The following LINGO2 variants were observed in gnomAD, a reference collection of about 807,000 sequenced individuals.
LINGO2 encodes the protein leucine-rich repeat and immunoglobulin-like domain-containing nogo receptor-interacting protein 2.
In LINGO2, 14 loss-of-function variants were observed where a neutral mutation model predicts 30.6. The ratio of observed to expected loss-of-function variants is 0.46; its 90% CI spans 0.30 to 0.72. The LOEUF is 0.72. Ranked by LOEUF, LINGO2 falls within the 30% of genes least tolerant of loss-of-function variation. LINGO2 has a pLI of 0.07. For missense variants in LINGO2, 729 were observed against 751.7 expected, an observed-to-expected ratio of 0.97 and a Z score of 0.35; for synonymous variants, 317 against 288.5, an observed-to-expected ratio of 1.10 and a Z score of -1.00.
In LINGO2 at chr9:28,476,736, C is replaced by T. The variant is rs79236555; in HGVS notation, c.-364-711G>A. 5.1e-3 allele frequency among the ~76,000 whole-genome samples: 779 copies of T among 152,182 alleles called. 11 individuals are homozygous for T. Among genetic ancestry groups the T allele is most frequent in the South Asian group, 0.017 (83 of 4,822 alleles). On this transcript the variant is annotated intron_variant, in intron 1 of 5. Coordinates refer to ENST00000379992, the Ensembl canonical transcript of LINGO2. Reference sequence around the variant, plus strand: ...GGAAGGAGACAAGACTTGCTGTGTCCGTAAACCTGCTTTCAAAGGTTAAAA... The same window carrying T: ...GGAAGGAGACAAGACTTGCTGTGTCTGTAAACCTGCTTTCAAAGGTTAAAA...
chr9:28,679,061 T>C, the LINGO2 span, among the ~76,000 whole-genome samples: 1 of 152,238 alleles, frequency 6.6e-6, no homozygotes, highest in African/African-American at 2.4e-5. Flanking sequence ...AATTTTGATA[T>C]TGTGTTCACT....
At chr9:28,054,009 G>A (rs1824800012) in intron 4 of LINGO2, among the ~76,000 whole-genome samples, 1 of 151,768 alleles carries the variant, frequency 6.6e-6, no homozygotes, top group South Asian at 2.1e-4. Context: ...TCGAGGGCCT[G>A]TATATATGCA....
At chr9:28,825,243 C>T in the LINGO2 span, among the ~76,000 whole-genome samples, 2 of 151,962 alleles carry the variant, frequency 1.3e-5, no homozygotes, top group African/African-American at 4.8e-5. Flanking sequence ...GGTAGATTTT[C>T]TTGACTACAA....
rs570055334 is a variant in LINGO2, at chr9:28,313,946, T to C, written c.-245-18580A>G. 2.1e-3 allele frequency among the ~76,000 whole-genome samples: 322 copies of C among 152,290 alleles called. 1 individual carries two copies. The highest frequency in any genetic ancestry group is 7.4e-3 in the African/African-American group (309 of 41,576). On this transcript the variant is annotated intron_variant, in intron 3 of 5. Transcript: ENST00000379992. ...GACCAGTGAGAATTGATTTTTTTTT[T>C]TGTTTTAGATGGAGTCTCGCTCTTT...
chr9:28,528,387 G>C (rs1269942491), intron 1 of LINGO2, among the ~76,000 whole-genome samples: 1 of 152,082 alleles, frequency 6.6e-6, no homozygotes, highest in Non-Finnish European at 1.5e-5. Flanking sequence ...GTTTCAGAAA[G>C]AGAAAACAGC....
At chr9:28,243,469 A>AAAAG (rs61010611) in intron 4 of LINGO2, among the ~76,000 whole-genome samples, 28,580 of 144,498 alleles carry the variant, frequency 0.2, 3,379 homozygotes, top group East Asian at 0.32. Flanking sequence ...AAAAATAAAA[A>AAAAG]AAGAAGAAGA....
chr9:27,971,717 T>C (rs907782030), intron 5 of LINGO2, among the ~76,000 whole-genome samples: 5 of 152,120 alleles, frequency 3.3e-5, no homozygotes, highest in Non-Finnish European at 7.3e-5. Context: ...GAAGTGATCG[T>C]TATTATCAAA....
chr9:28,402,013 T>C (rs1157422042), intron 2 of LINGO2, among the ~76,000 whole-genome samples: 3 of 152,230 alleles, frequency 2.0e-5, no homozygotes, highest in Middle Eastern at 3.4e-3. Flanking sequence ...TATTTAAGTG[T>C]TCTTTAGATT....
intron 3 of LINGO2, among the ~76,000 whole-genome samples, chr9:28,351,855 T>A (rs1217076534): frequency 1.3e-5 from 2 of 149,558 alleles, no homozygotes; most frequent in East Asian, 4.0e-4. Flanking sequence ...TATATGCAAA[T>A]CAATAAATGT....
intron 4 of LINGO2, among the ~76,000 whole-genome samples, chr9:28,203,355 C>A (rs1200265024): frequency 6.6e-6 from 1 of 152,152 alleles, no homozygotes; most frequent in Non-Finnish European, 1.5e-5. Context: ...GTTTGCATGG[C>A]ATAAAGATGG....
intron 4 of LINGO2, among the ~76,000 whole-genome samples, chr9:28,124,544 G>T (rs1827186943): frequency 6.6e-6 from 1 of 152,120 alleles, no homozygotes; most frequent in Non-Finnish European, 1.5e-5. Flanking sequence ...TGTTTATCTT[G>T]TTCTTTGTTT....
At chr9:28,658,636 C>G (rs1296999729) in intron 1 of LINGO2, among the ~76,000 whole-genome samples, 1 of 152,076 alleles carries the variant, frequency 6.6e-6, no homozygotes, top group African/African-American at 2.4e-5. Flanking sequence ...TAAAGTGTGT[C>G]TCTTACAGAA....
At chr9:27,993,136 G>T (rs562276843) in intron 5 of LINGO2, among the ~76,000 whole-genome samples, 63 of 152,198 alleles carry the variant, frequency 4.1e-4, no homozygotes, top group African/African-American at 1.4e-3. Flanking sequence ...ATTTTCTGGA[G>T]TTTGGTAAGG....
intron 2 of LINGO2, among the ~76,000 whole-genome samples, chr9:28,401,763 G>A (rs181112699): frequency 6.6e-5 from 10 of 152,214 alleles, no homozygotes; most frequent in Admixed American, 2.6e-4. Context: ...CAGTGTAAAC[G>A]CATTCCTATT....
the LINGO2 span, among the ~76,000 whole-genome samples, chr9:28,740,005 C>T: frequency 6.7e-6 from 1 of 150,268 alleles, no homozygotes. Flanking sequence ...TTATTTTACT[C>T]ATTTGTTATT....
the LINGO2 span, among the ~76,000 whole-genome samples, chr9:28,911,423 T>A: frequency 6.6e-6 from 1 of 152,016 alleles, no homozygotes; most frequent in Non-Finnish European, 1.5e-5. Context: ...ATATAAAAAA[T>A]TTTCTATAAT....
the LINGO2 span, among the ~76,000 whole-genome samples, chr9:29,054,284 A>G: frequency 1.3e-5 from 2 of 152,302 alleles, no homozygotes; most frequent in Non-Finnish European, 1.5e-5. Flanking sequence ...CAATGCTTAT[A>G]TTGTATCATG....
intron 4 of LINGO2, among the ~76,000 whole-genome samples, chr9:28,194,230 C>A (rs1474884785): frequency 2.0e-5 from 3 of 151,894 alleles, no homozygotes; most frequent in African/African-American, 7.3e-5. Flanking sequence ...CATAACAAAA[C>A]AATAGAAACT....
the LINGO2 span, among the ~76,000 whole-genome samples, chr9:28,781,949 C>G: frequency 0.045 from 6,836 of 152,024 alleles, 214 homozygotes; most frequent in Admixed American, 0.086. Flanking sequence ...ATTTTTAAAC[C>G]AAGTTTGAAT....
Sources: gnomAD v4.1 joint callset for allele counts (sites outside exome capture counted in the v4.1 genomes callset) on GRCh38, gnomAD v4.1.1 for gene constraint, MANE v1.5 for transcripts, NCBI Gene and HGNC (gene_info 2026-07-23, HGNC 2026-07-21) for gene names.